The following VPS33B variants were observed in gnomAD, a reference collection of about 807,000 sequenced individuals.
VPS33B encodes the protein VPS33B late endosome and lysosome associated.
Under a neutral mutation model 95.3 loss-of-function variants are expected in VPS33B, and 80 were observed. The ratio of observed to expected loss-of-function variants is 0.84; its 90% CI spans 0.70 to 1.01. The LOEUF is 1.01. Among genes scored for constraint, VPS33B ranks in the 50% least tolerant of loss-of-function variants. The pLI is 0.00. For synonymous variants in VPS33B, 280 were observed against 280.4 expected (o/e 1.00, Z 0.01); for missense variants, 715 against 773.4 (o/e 0.92, Z 0.90).
rs949074332 is a variant in VPS33B at position 91,017,133 on chromosome 15, G to A, written c.178-109C>T. On this transcript the variant is annotated intron_variant, in intron 2 of 22. Transcript: ENST00000333371. Reference sequence around the variant, plus strand: ...GGGCTTCCTAATTATGCTAATTATTGAGGGCTTCCTAATTATGCTAATTAT... The same window carrying A: ...GGGCTTCCTAATTATGCTAATTATTAAGGGCTTCCTAATTATGCTAATTAT... 1.8e-5 allele frequency: 18 copies of A among 1,018,738 alleles called. No homozygotes were observed. The African/African-American group carries it at 2.7e-4, about 15-fold the overall frequency. The allele number at this position is 1,018,738 out of a possible 1,614,324, so 63.1% of individuals were successfully genotyped here.
Position 91,006,777 on chromosome 15 carries a change from C to G in VPS33B, c.701-48G>C. The G allele has an allele frequency of 6.2e-7, 1 of 1,609,840 alleles. No individual in the cohort carries two copies. Among genetic ancestry groups the G allele is most frequent in the Non-Finnish European group, 8.5e-7 (1 of 1,176,114 alleles). On this transcript the variant is annotated intron_variant, in intron 9 of 22. Coordinates refer to ENST00000333371, the MANE Select transcript of VPS33B (RefSeq NM_018668.5). This position sits in a 1 kb window ranked among gnomAD's most constrained non-coding sequence, Gnocchi z 5.4. ...TGAAGGTTCTCCCTGACCCAGCCTTCTACACAGCATGTCCAAGGGCAGCTT... is the reference window on the plus strand; with the variant it reads ...TGAAGGTTCTCCCTGACCCAGCCTTGTACACAGCATGTCCAAGGGCAGCTT...
intron 1 of VPS33B, among the ~76,000 whole-genome samples, chr15:91,020,189 C>T (rs2041063584): frequency 6.6e-6 from 1 of 152,120 alleles, no homozygotes; most frequent in African/African-American, 2.4e-5. Context: ...GTTTTCTTTT[C>T]CTTTTTACTT....
At chr15:91,003,995 A>G (rs1439670642) in intron 16 of VPS33B, among the ~76,000 whole-genome samples, 1 of 152,068 alleles carries the variant, frequency 6.6e-6, no homozygotes, top group Non-Finnish European at 1.5e-5. Context: ...AAGCCGAGGC[A>G]GGTGGATCAC....
chr15:91,021,942 G>A (rs889358709), intron 1 of VPS33B, among the ~76,000 whole-genome samples: 3 of 152,202 alleles, frequency 2.0e-5, no homozygotes, highest in South Asian at 2.1e-4. Flanking sequence ...TCCCTTGCCT[G>A]TATGCGGGGT....
At chr15:91,008,020 G>C (rs968193988) in intron 6 of VPS33B, 56 bp from the exon 7 acceptor site, 1 of 1,547,794 alleles carries the variant, frequency 6.5e-7, no homozygotes, top group African/African-American at 1.4e-5. Flanking sequence ...TCCACGTTAA[G>C]AGGGAAGGTC....
chr15:90,998,929 T>C lies in VPS33B; in HGVS notation c.*46A>G. The C allele has an allele frequency of 6.2e-7, 1 of 1,607,404 alleles. No homozygotes were observed. The highest frequency in any genetic ancestry group is 8.5e-7 in the Non-Finnish European group (1 of 1,175,784). On this transcript the variant is annotated 3_prime_UTR_variant, in exon 23 of 23. Transcript: ENST00000333371. This position sits in a 1 kb window ranked among gnomAD's most constrained non-coding sequence, Gnocchi z 4.8. ...TGGGTGCCAGATGCCTGCATCTCAC[T>C]GAGGAATGTGTTCAGGGAAGATGTC...
Position 91,006,359 on chromosome 15 carries a change from C to T in VPS33B, c.852+13G>A, listed in dbSNP as rs188518961. The T allele has an allele frequency of 2.7e-4, 440 of 1,614,148 alleles. No homozygotes were observed. In the African/African-American group the frequency reaches 4.7e-3, roughly 17 times the overall value. ...GCCCTAGGTGGGCCCATTGCTAGCA[C>T]CCACACCCTCACCTTGTCCTCGGCA... On this transcript the variant is annotated intron_variant, in intron 11 of 22. Transcript: ENST00000333371. This position sits in a 1 kb window ranked among gnomAD's most constrained non-coding sequence, Gnocchi z 5.4.
Position 91,006,587 on chromosome 15 carries a change from C to A in VPS33B, c.778+65G>T, listed in dbSNP as rs746809328. On this transcript the variant is annotated intron_variant, in intron 10 of 22. Transcript: ENST00000333371. The surrounding 1 kb of genome is among the most constrained non-coding windows in gnomAD (Gnocchi z 5.4). ...GGTCTCTCCCACAAACCCTGCCCCA[C>A]GTGGGAGGTGCCAAGGCTGATGACC... 2.0e-5 allele frequency: 33 copies of A among 1,610,000 alleles called. No homozygotes were observed. Among genetic ancestry groups the A allele is most frequent in the Non-Finnish European group, 2.8e-5 (33 of 1,176,312 alleles).
At chr15:91,017,932 T>G (rs764995276) in intron 1 of VPS33B, 47 bp from the exon 2 acceptor site, 3 of 1,594,766 alleles carry the variant, frequency 1.9e-6, no homozygotes, top group Non-Finnish European at 2.6e-6. Context: ...CACATGAGCT[T>G]CCGCAGCTGA....
rs1330407345 is a variant in VPS33B, at chr15:91,013,099, A to G, written c.357+705T>C. Among the ~76,000 whole-genome samples, 1 of 152,202 alleles carries G rather than the reference A, an allele frequency of 6.6e-6. No homozygotes were observed. Among genetic ancestry groups the G allele is most frequent in the Admixed American group, 6.5e-5 (1 of 15,284 alleles). ...GGATACAGGGAGAAAGTCACTGGAAAGCCGTAACATTGTGCACCATTACTA... is the reference window on the plus strand; with the variant it reads ...GGATACAGGGAGAAAGTCACTGGAAGGCCGTAACATTGTGCACCATTACTA... On this transcript the variant is annotated intron_variant, in intron 5 of 22. Transcript: ENST00000333371. This position sits in a 1 kb window ranked among gnomAD's most constrained non-coding sequence, Gnocchi z 4.5.
rs1174027832 is a variant in VPS33B, at chr15:91,006,650, A to G, written c.778+2T>C. ...CAAGATGCAGAGGACCATAGCACTT[A>G]CCACACTTGATGCGGAAGGTGTCAT... On this transcript the variant is annotated splice_donor_variant, in intron 10 of 22. Coordinates refer to ENST00000333371, the MANE Select transcript of VPS33B (RefSeq NM_018668.5). LOFTEE classifies it high-confidence loss of function. This position sits in a 1 kb window ranked among gnomAD's most constrained non-coding sequence, Gnocchi z 5.4. The G allele has an allele frequency of 6.2e-7, 1 of 1,614,194 alleles. No individual in the cohort carries two copies. The highest frequency in any genetic ancestry group is 1.7e-5 in the Admixed American group (1 of 60,028).
chr15:91,007,191 C>T lies in VPS33B; in HGVS notation c.604-145G>A, dbSNP rs914176198. ...TTCACAATATGGCCCTATCTACTCCCGTCTGTGTCTATCTTTCCCCAACAC... is the reference window on the plus strand; with the variant it reads ...TTCACAATATGGCCCTATCTACTCCTGTCTGTGTCTATCTTTCCCCAACAC... On this transcript the variant is annotated intron_variant, in intron 8 of 22. Coordinates refer to ENST00000333371, the MANE Select transcript of VPS33B (RefSeq NM_018668.5). The surrounding 1 kb of genome is among the most constrained non-coding windows in gnomAD (Gnocchi z 5.3). 3.4e-5 allele frequency: 30 copies of T among 873,874 alleles called. No individual in the cohort carries two copies. Among genetic ancestry groups the T allele is most frequent in the East Asian group, 3.0e-4 (12 of 39,706 alleles). The allele number at this position is 873,874 out of a possible 1,614,324, so 54.1% of individuals were successfully genotyped here.
intron 4 of VPS33B, 117 bp downstream of exon 4, chr15:91,014,267 A>G: frequency 9.9e-7 from 1 of 1,008,400 alleles, no homozygotes; most frequent in Non-Finnish European, 1.6e-6. Context: ...GACATCCTCC[A>G]CAAGTGCTAC....
At position 91,005,850 on chromosome 15, in the gene VPS33B, G is replaced by T; in HGVS notation, c.940-66C>A. On this transcript the variant is annotated intron_variant, in intron 12 of 22. Transcript: ENST00000333371. This position sits in a 1 kb window ranked among gnomAD's most constrained non-coding sequence, Gnocchi z 6.4. Reference sequence around the variant, plus strand: ...CACGAGAAACCACCACCCTCCCTCAGTTGCCATCCATCCATGAGAAAGGAC... The same window carrying T: ...CACGAGAAACCACCACCCTCCCTCATTTGCCATCCATCCATGAGAAAGGAC... 2 of 1,609,466 alleles carry T rather than the reference G, an allele frequency of 1.2e-6. No individual in the cohort carries two copies. The highest frequency in any genetic ancestry group is 3.3e-5 in the Admixed American group (2 of 59,902).
Position 91,005,136 on chromosome 15 carries a change from G to A in VPS33B, c.1106-17C>T. 1.2e-6 allele frequency: 2 copies of A among 1,614,134 alleles called. No individual in the cohort carries two copies. Among genetic ancestry groups the A allele is most frequent in the South Asian group, 1.1e-5 (1 of 91,072 alleles). On this transcript the variant is annotated splice_polypyrimidine_tract_variant and intron_variant, in intron 14 of 22. Transcript: ENST00000333371. This position sits in a 1 kb window ranked among gnomAD's most constrained non-coding sequence, Gnocchi z 6.4. ...CTAGCAGTGCTGTGAGTAATCAGAG[G>A]AGAGCCTGTTACTGGGGGCCAGCTC...
rs2040419030 is a variant in VPS33B, at chr15:91,000,977, T to G, written c.1480-386A>C. The stretch of plus-strand genomic sequence containing the variant: ...GCTATAAGACTACCAAACAAAAGAA[T>G]CTTTATACACATGAAATGACAAAAA... On this transcript the variant is annotated intron_variant, in intron 19 of 22. Coordinates refer to ENST00000333371, the MANE Select transcript of VPS33B (RefSeq NM_018668.5). This position sits in a 1 kb window ranked among gnomAD's most constrained non-coding sequence, Gnocchi z 4.9. The G allele has an allele frequency of 2.9e-6, 1 of 350,492 alleles. No homozygotes were observed. Among genetic ancestry groups the G allele is most frequent in the African/African-American group, 2.1e-5 (1 of 47,140 alleles). The allele number at this position is 350,492 out of a possible 1,614,324, so 21.7% of individuals were successfully genotyped here.
intron 1 of VPS33B, 96 bp downstream of exon 1, chr15:91,022,058 G>A (rs1382276800): frequency 5.0e-6 from 7 of 1,389,422 alleles, no homozygotes; most frequent in South Asian, 2.5e-5. Flanking sequence ...AATACCAGGG[G>A]CCAAGAACAA....
Position 91,018,380 on chromosome 15 carries a change from C to G in VPS33B, c.97-495G>C, listed in dbSNP as rs2041004155. Among the ~76,000 whole-genome samples the G allele has an allele frequency of 6.6e-6, 1 of 152,154 alleles. No individual in the cohort carries two copies. The highest frequency in any genetic ancestry group is 2.4e-5 in the African/African-American group (1 of 41,436). ...CCTTCCACTCCCCCACCCCACAATC[C>G]CTGTCATACGATTCCTGCACCACCA... On this transcript the variant is annotated intron_variant, in intron 1 of 22. Transcript: ENST00000333371. The surrounding 1 kb of genome is among the most constrained non-coding windows in gnomAD (Gnocchi z 4.7).
chr15:91,022,064 A>T, intron 1 of VPS33B, 90 bp downstream of exon 1: 1 of 1,442,802 alleles, frequency 6.9e-7, no homozygotes, highest in Non-Finnish European at 9.5e-7. Flanking sequence ...AGGGGCCAAG[A>T]ACAAGATCAA....
Sources: gnomAD v4.1 joint callset for allele counts (sites outside exome capture counted in the v4.1 genomes callset) on GRCh38, gnomAD v4.1.1 for gene constraint, Gnocchi (gnomAD v3.1) non-coding constraint, MANE v1.5 for transcripts, NCBI Gene and HGNC (gene_info 2026-07-23, HGNC 2026-07-21) for gene names.